COPZ1: variants seen among roughly 807,000 people sequenced by gnomAD.
The protein encoded by COPZ1 is coatomer subunit zeta-1.
Under a neutral mutation model 31.7 loss-of-function variants are expected in COPZ1, and 4 were observed. The ratio of observed to expected loss-of-function variants is 0.13; its 90% confidence interval spans 0.06 to 0.29. The LOEUF is 0.29. COPZ1 is among the 10% of genes least tolerant of loss of function. The pLI is 1.00. For synonymous variants in COPZ1, 74 were observed against 79.0 expected (o/e 0.94, Z 0.33); for missense variants, 156 against 211.5 (o/e 0.74, Z 1.63).
At chr12:54,348,150 T>C in intron 7 of COPZ1, 99 bp downstream of exon 7, 1 of 991,218 alleles carries the variant, frequency 1.0e-6, no homozygotes, top group Non-Finnish European at 1.6e-6. Context: ...GCTCATAGGA[T>C]ACATACAACC....
intron 1 of COPZ1, among the ~76,000 whole-genome samples, chr12:54,328,762 G>T (rs186194496): frequency 6.6e-6 from 1 of 152,224 alleles, no homozygotes; most frequent in Admixed American, 6.5e-5. Context: ...AACCACACTG[G>T]TTCTTTGTTA....
chr12:54,350,349 T>G, intron 8 of COPZ1, 127 bp from the exon 9 acceptor site: 1 of 828,700 alleles, frequency 1.2e-6, no homozygotes, highest in Admixed American at 1.7e-5. Flanking sequence ...CTCTTTACCC[T>G]TGGGGATTTT....
chr12:54,334,025 G>T (rs113872962), intron 1 of COPZ1, among the ~76,000 whole-genome samples: 1 of 152,062 alleles, frequency 6.6e-6, no homozygotes, highest in Non-Finnish European at 1.5e-5. Context: ...GAGCCTGGGA[G>T]GTTGAGGCTG....
intron 1 of COPZ1, among the ~76,000 whole-genome samples, chr12:54,334,729 T>A (rs1374556870): frequency 6.7e-6 from 1 of 150,320 alleles, no homozygotes; most frequent in African/African-American, 2.4e-5. Context: ...TAGTGGTGGG[T>A]GCCTGTAGTC....
chr12:54,325,331 G>C, intron 1 of COPZ1, 150 bp downstream of exon 1: 2 of 1,052,550 alleles, frequency 1.9e-6, no homozygotes, highest in Non-Finnish European at 2.7e-6. Flanking sequence ...GTGTGGCCTA[G>C]TGTAGGAGCT....
intron 2 of COPZ1, 91 bp downstream of exon 2, chr12:54,340,706 C>A: frequency 1.6e-6 from 2 of 1,286,038 alleles, no homozygotes; most frequent in South Asian, 1.4e-5. Flanking sequence ...AACTTATGTT[C>A]CTCAGTAGTA....
At chr12:54,349,263 C>G (rs1846260086) in intron 7 of COPZ1, among the ~76,000 whole-genome samples, 1 of 152,164 alleles carries the variant, frequency 6.6e-6, no homozygotes, top group Non-Finnish European at 1.5e-5. Flanking sequence ...CATCCTTTCC[C>G]TAGTGATACT....
intron 1 of COPZ1, among the ~76,000 whole-genome samples, chr12:54,333,042 T>TTA (rs1242946222): frequency 6.6e-6 from 1 of 151,978 alleles, no homozygotes; most frequent in Non-Finnish European, 1.5e-5. Context: ...TTATTTTTAT[T>TTA]TATATATATA....
At chr12:54,338,175 A>G (rs1256021436) in intron 1 of COPZ1, among the ~76,000 whole-genome samples, 1 of 152,228 alleles carries the variant, frequency 6.6e-6, no homozygotes, top group African/African-American at 2.4e-5. Flanking sequence ...GTGAATGTGG[A>G]TAGAGGAACA....
rs1491201250 is a variant in COPZ1 at position 54,339,974 on chromosome 12, CCT to C, written c.19-572_19-571del. On this transcript the variant is annotated intron_variant, in intron 1 of 8. Transcript: ENST00000262061. Reference sequence around the variant, plus strand: ...CTAGGCTGCATTGAGAACTGGTGTGCCTGTGCGTGTGTGTGTGTGTGTGTGTG... The same window carrying C: ...CTAGGCTGCATTGAGAACTGGTGTGCGTGCGTGTGTGTGTGTGTGTGTGTG... Among the ~76,000 whole-genome samples the C allele has an allele frequency of 6.3e-5, 8 of 127,616 alleles. No homozygotes were observed. In the East Asian group the frequency reaches 2.0e-3, roughly 32 times the overall value. 83.7% of individuals were successfully genotyped at this position (127,616 alleles called of 152,430 possible).
chr12:54,348,097 C>T (rs1267486212), intron 7 of COPZ1, 46 bp downstream of exon 7: 2 of 1,588,260 alleles, frequency 1.3e-6, no homozygotes, highest in African/African-American at 1.3e-5. Context: ...TATTCACAAA[C>T]ACCCTCCAGA....
intron 2 of COPZ1, 110 bp downstream of exon 2, chr12:54,340,725 A>T: frequency 8.7e-7 from 1 of 1,146,940 alleles, no homozygotes; most frequent in Non-Finnish European, 1.2e-6. Context: ...TATAATTTTG[A>T]GAATACTTCC....
chr12:54,326,357 G>A (rs11170871), intron 1 of COPZ1, among the ~76,000 whole-genome samples: 16,766 of 144,512 alleles, frequency 0.12, 1,226 homozygotes, highest in East Asian at 0.21. Flanking sequence ...AGCCAGGATG[G>A]TCTCGATCTC....
At chr12:54,327,045 A>G (rs1486102131) in intron 1 of COPZ1, among the ~76,000 whole-genome samples, 2 of 126,382 alleles carry the variant, frequency 1.6e-5, no homozygotes, top group Non-Finnish European at 3.1e-5. Context: ...CAGTGGTGCA[A>G]TCTTGGCTCA....
intron 2 of COPZ1, 37 bp from the exon 3 acceptor site, chr12:54,342,169 C>T (rs780803064): frequency 1.3e-6 from 2 of 1,488,788 alleles, no homozygotes; most frequent in Non-Finnish European, 1.9e-6. Context: ...GCTTCCAGCT[C>T]TAGTGACCCA....
rs566835506 is a variant in COPZ1, at chr12:54,349,808, T to C, written c.486+150T>C. 11 of 761,480 alleles carry C rather than the reference T, an allele frequency of 1.4e-5. No individual in the cohort carries two copies. The African/African-American group carries it at 1.7e-4, about 12-fold the overall frequency. 47.2% of individuals were successfully genotyped at this position (761,480 alleles called of 1,614,324 possible). ...TCTTATTCCAGAGAACTGGGACTCATACAGCCAGCCACTCCCTACCCCTAC... is the reference window on the plus strand; with the variant it reads ...TCTTATTCCAGAGAACTGGGACTCACACAGCCAGCCACTCCCTACCCCTAC... On this transcript the variant is annotated intron_variant, in intron 8 of 8. Transcript: ENST00000262061.
At chr12:54,340,460 C>T (rs1277728628) in intron 1 of COPZ1, 87 bp from the exon 2 acceptor site, 1 of 1,577,714 alleles carries the variant, frequency 6.3e-7, no homozygotes, top group South Asian at 1.2e-5. Context: ...TATCCCCTTG[C>T]AGCCCCAGTG....
intron 1 of COPZ1, among the ~76,000 whole-genome samples, chr12:54,335,912 C>G (rs919872796): frequency 1.2e-4 from 18 of 151,758 alleles, no homozygotes; most frequent in African/African-American, 2.9e-4. Context: ...ACTCCTGGCT[C>G]TAGTGATCTC....
At chr12:54,326,961 CTTTTTTTTTTTTTTTTTTTTTTTTTTT>C (rs60827109) in intron 1 of COPZ1, among the ~76,000 whole-genome samples, 1 of 43,564 alleles carries the variant, frequency 2.3e-5, no homozygotes, top group African/African-American at 1.0e-4. Flanking sequence ...AACAAGTATT[CTTTTTTTTTTTTTTTTTTTTTTTTTTT>C]TTTTTTTTTT....
Sources: gnomAD v4.1 joint callset for allele counts (sites outside exome capture counted in the v4.1 genomes callset) on GRCh38, gnomAD v4.1.1 for gene constraint, MANE v1.5 for transcripts, NCBI Gene and HGNC (gene_info 2026-07-23, HGNC 2026-07-21) for gene names.